The following GRM7 variants were observed in gnomAD, a reference collection of about 807,000 sequenced individuals.
GRM7 encodes glutamate metabotropic receptor 7.
A neutral mutation model predicts 84.5 loss-of-function variants in GRM7; 35 were observed. The observed-to-expected ratio is 0.41, with a 90% CI of 0.32 to 0.55. The LOEUF (loss-of-function observed/expected upper bound fraction) is 0.55. Among genes scored for constraint, GRM7 ranks in the 20% least tolerant of loss-of-function variants. The pLI is 0.19. For synonymous variants in GRM7, 487 were observed against 455.1 expected, an observed-to-expected ratio of 1.07 and a Z score of -0.89; for missense variants, 1,003 against 1,194.6, an observed-to-expected ratio of 0.84 and a Z score of 2.36.
At chr3:6,871,110 G>A (rs534824901) in intron 1 of GRM7, among the ~76,000 whole-genome samples, 2 of 152,274 alleles carry the variant, frequency 1.3e-5, no homozygotes, top group South Asian at 4.1e-4. Flanking sequence ...TGTTTCTGCA[G>A]TAAAACTGAA....
chr3:7,708,163 G>C (rs551404979), intron 9 of GRM7, among the ~76,000 whole-genome samples: 2 of 150,530 alleles, frequency 1.3e-5, no homozygotes, highest in South Asian at 4.2e-4. Context: ...CAAACCTTCA[G>C]TCCCAACACC....
chr3:7,044,744 A>C (rs1384078011), intron 1 of GRM7, among the ~76,000 whole-genome samples: 1 of 151,924 alleles, frequency 6.6e-6, no homozygotes, highest in Admixed American at 6.6e-5. Context: ...ATTCTTTCTT[A>C]AGTTGCACTG....
At position 7,119,070 on chromosome 3, in the gene GRM7, G is replaced by C. The variant is rs571034373; in HGVS notation, c.520-27382G>C. 2.0e-5 allele frequency among the ~76,000 whole-genome samples: 3 copies of C among 152,200 alleles called. No individual in the cohort carries two copies. The South Asian group carries it at 6.2e-4, about 32-fold the overall frequency. Reference sequence around the variant, plus strand: ...TACAGAATTCTCATTTTAAAAATCAGTTAAATTTTCAGTTCTTTTCTGTCC... The same window carrying C: ...TACAGAATTCTCATTTTAAAAATCACTTAAATTTTCAGTTCTTTTCTGTCC... On this transcript the variant is annotated intron_variant, in intron 1 of 9. Transcript: ENST00000357716.
intron 2 of GRM7, among the ~76,000 whole-genome samples, chr3:7,262,976 C>T (rs1337244047): frequency 3.3e-5 from 5 of 152,240 alleles, no homozygotes; most frequent in African/African-American, 1.2e-4. Context: ...GAATTACAGG[C>T]GTGAGCCACT....
chr3:7,523,454 T>C (rs1304942238), intron 7 of GRM7, among the ~76,000 whole-genome samples: 1 of 152,150 alleles, frequency 6.6e-6, no homozygotes, highest in Admixed American at 6.5e-5. Context: ...CGGACTTTAA[T>C]GCAGACTGGT....
chr3:7,674,320 T>C (rs2125135109), intron 8 of GRM7, among the ~76,000 whole-genome samples: 1 of 151,708 alleles, frequency 6.6e-6, no homozygotes, highest in Non-Finnish European at 1.5e-5. Flanking sequence ...GCCTCCCGAG[T>C]AGCTGGGATT....
intron 1 of GRM7, among the ~76,000 whole-genome samples, chr3:6,936,661 T>C (rs1697704373): frequency 6.6e-6 from 1 of 152,182 alleles, no homozygotes; most frequent in Admixed American, 6.5e-5. Context: ...AATTGATTAG[T>C]CTTCTAATCT....
At chr3:7,329,810 A>G (rs1701129548) in intron 4 of GRM7, among the ~76,000 whole-genome samples, 1 of 152,114 alleles carries the variant, frequency 6.6e-6, no homozygotes, top group African/African-American at 2.4e-5. Context: ...GGATGTATGT[A>G]TACTTAGATA....
At chr3:7,142,404 T>C (rs575123142) in intron 1 of GRM7, among the ~76,000 whole-genome samples, 12 of 152,082 alleles carry the variant, frequency 7.9e-5, no homozygotes, top group South Asian at 4.2e-4. Flanking sequence ...CTTACAATCA[T>C]GGTGGAAGGC....
At chr3:7,413,241 A>G (rs1696019090) in intron 4 of GRM7, among the ~76,000 whole-genome samples, 1 of 152,210 alleles carries the variant, frequency 6.6e-6, no homozygotes, top group Non-Finnish European at 1.5e-5. Context: ...ATTAATAAAG[A>G]AGAGCTATAG....
chr3:6,973,946 A>G (rs1472099116), intron 1 of GRM7, among the ~76,000 whole-genome samples: 1 of 152,168 alleles, frequency 6.6e-6, no homozygotes, highest in Non-Finnish European at 1.5e-5. Flanking sequence ...TTAAGAATTG[A>G]TTGTATGAGA....
At chr3:7,490,590 A>G (rs529184715) in intron 7 of GRM7, among the ~76,000 whole-genome samples, 76 of 151,952 alleles carry the variant, frequency 5.0e-4, no homozygotes, top group Middle Eastern at 6.8e-3. Context: ...GAAAAATGGT[A>G]TCCCCTTAGT....
chr3:7,573,814 T>C (rs1342878234), intron 7 of GRM7, among the ~76,000 whole-genome samples: 2 of 152,238 alleles, frequency 1.3e-5, no homozygotes, highest in East Asian at 3.9e-4. Flanking sequence ...CTTCCATTTC[T>C]TTCTAGAGTT....
At chr3:7,071,198 A>G (rs1022854777) in intron 1 of GRM7, among the ~76,000 whole-genome samples, 1 of 152,002 alleles carries the variant, frequency 6.6e-6, no homozygotes, top group Admixed American at 6.6e-5. Context: ...AATAGGTGGT[A>G]TTGGTTTTTC....
intron 8 of GRM7, among the ~76,000 whole-genome samples, chr3:7,619,633 A>G (rs917708761): frequency 5.9e-5 from 9 of 152,138 alleles, no homozygotes; most frequent in African/African-American, 2.2e-4. Context: ...CTTCTGAGGA[A>G]GATCAGTGAA....
chr3:6,951,955 C>G (rs11914798), intron 1 of GRM7, among the ~76,000 whole-genome samples: 10,083 of 152,042 alleles, frequency 0.066, 473 homozygotes, highest in African/African-American at 0.12. Flanking sequence ...TTTTCTTTAT[C>G]CCTGGTAGTA....
At chr3:7,503,572 C>T (rs1275986154) in intron 7 of GRM7, among the ~76,000 whole-genome samples, 8 of 152,150 alleles carry the variant, frequency 5.3e-5, no homozygotes, top group African/African-American at 1.9e-4. Context: ...ACAGTATCTT[C>T]TAATCATTCA....
At position 7,452,596 on chromosome 3, in the gene GRM7, T is replaced by C; in HGVS notation, c.1175-11T>C. Reference sequence around the variant, plus strand: ...TGTGTGTGTGTGTGTGTTTCTTGTTTTAATGTGCAGGACAGGAGAGAATTG... The same window carrying C: ...TGTGTGTGTGTGTGTGTTTCTTGTTCTAATGTGCAGGACAGGAGAGAATTG... On this transcript the variant is annotated splice_polypyrimidine_tract_variant and intron_variant, in intron 5 of 9. Transcript: ENST00000357716. The C allele has an allele frequency of 6.4e-7, 1 of 1,564,952 alleles. No individual in the cohort carries two copies. Among genetic ancestry groups the C allele is most frequent in the Non-Finnish European group, 8.8e-7 (1 of 1,135,538 alleles).
intron 2 of GRM7, among the ~76,000 whole-genome samples, chr3:7,266,616 A>C (rs567256787): frequency 6.6e-6 from 1 of 152,316 alleles, no homozygotes; most frequent in East Asian, 1.9e-4. Flanking sequence ...TTTTAACCAA[A>C]CAAAATGTTT....
Sources: allele counts gnomAD v4.1 joint callset (sites outside exome capture counted in the v4.1 genomes callset), GRCh38; gene constraint gnomAD v4.1.1; transcripts MANE v1.5; gene names NCBI Gene and HGNC (gene_info 2026-07-23, HGNC 2026-07-21).